Variants in MACROD2 observed in about 807,000 individuals in gnomAD.
MACROD2 encodes ADP-ribose glycohydrolase MACROD2.
A neutral mutation model predicts 70.4 loss-of-function variants in MACROD2; 36 were observed. The ratio of observed to expected loss-of-function variants is 0.51; its 90% CI spans 0.39 to 0.68. The LOEUF (loss-of-function observed/expected upper bound fraction) is 0.68. Ranked by LOEUF, MACROD2 falls within the 30% of genes least tolerant of loss-of-function variation. The pLI is 0.00. For synonymous variants in MACROD2, 172 were observed against 178.8 expected, an observed-to-expected ratio of 0.96 and a Z score of 0.30; for missense variants, 496 against 538.4, an observed-to-expected ratio of 0.92 and a Z score of 0.78.
intron 8 of MACROD2, among the ~76,000 whole-genome samples, chr20:15,682,724 ACT>A (rs1347718007): frequency 6.6e-6 from 1 of 152,124 alleles, no homozygotes; most frequent in Non-Finnish European, 1.5e-5. Flanking sequence ...CCTCCCTGCA[ACT>A]CTGTTTGTGT....
chr20:14,214,316 G>C (rs1429599437), intron 3 of MACROD2, among the ~76,000 whole-genome samples: 1 of 152,066 alleles, frequency 6.6e-6, no homozygotes, highest in African/African-American at 2.4e-5. Context: ...CAAAAACAGA[G>C]AGACCATGTA....
rs978517345 is a variant in MACROD2, at chr20:15,246,388, T to G, written c.540+16327T>G. Among the ~76,000 whole-genome samples, 4 of 152,220 alleles carry G rather than the reference T, an allele frequency of 2.6e-5. No individual in the cohort carries two copies. In the South Asian group the frequency reaches 8.3e-4, roughly 32 times the overall value. On this transcript the variant is annotated intron_variant, in intron 6 of 17. Coordinates refer to ENST00000684519, the MANE Select transcript of MACROD2 (RefSeq NM_001351661.2). ...AATCCATGCCTTTACAACACTCTGA[T>G]GTTGATGTGGTTTTATAATATCTTT... is the stretch of plus-strand genomic sequence containing the variant.
At chr20:15,358,911 T>C (rs1351602647) in intron 6 of MACROD2, among the ~76,000 whole-genome samples, 1 of 152,024 alleles carries the variant, frequency 6.6e-6, no homozygotes, top group Admixed American at 6.6e-5. Context: ...TCCAGTACTC[T>C]CCCACTGGGG....
At chr20:14,646,032 T>G (rs983494019) in intron 4 of MACROD2, among the ~76,000 whole-genome samples, 1 of 150,546 alleles carries the variant, frequency 6.6e-6, no homozygotes, top group African/African-American at 2.4e-5. Flanking sequence ...AACTTATATA[T>G]TAAATAAATA....
chr20:15,152,929 G>T (rs2076281768), intron 5 of MACROD2, among the ~76,000 whole-genome samples: 1 of 152,108 alleles, frequency 6.6e-6, no homozygotes, highest in Non-Finnish European at 1.5e-5. Flanking sequence ...GAAGTGTGGT[G>T]CCAAGATTGA....
intron 5 of MACROD2, chr20:14,893,425 C>T (rs1265109898): frequency 2.0e-5 from 3 of 152,206 alleles, no homozygotes; most frequent in East Asian, 3.9e-4. Flanking sequence ...TAACAATGTA[C>T]ATCTTCACTA....
chr20:15,335,645 A>G lies in MACROD2; in HGVS notation c.541-95760A>G, dbSNP rs549156371. ...AATAGTTTGCTAGTTTGCTCTAAAG[A>G]TATTTCTGGCTGTGATAATGATTAA... On this transcript the variant is annotated intron_variant, in intron 6 of 17. Transcript: ENST00000684519. 4.0e-5 allele frequency among the ~76,000 whole-genome samples: 6 copies of G among 151,864 alleles called. No individual in the cohort carries two copies. In the East Asian group the frequency reaches 9.6e-4, roughly 24 times the overall value.
intron 5 of MACROD2, among the ~76,000 whole-genome samples, chr20:14,991,929 C>A (rs2423906): frequency 0.021 from 3,247 of 152,128 alleles, 68 homozygotes; most frequent in Admixed American, 0.047. Context: ...CCATCCAACT[C>A]TCCATCCATC....
intron 3 of MACROD2, among the ~76,000 whole-genome samples, chr20:14,134,036 G>A (rs888443603): frequency 1.3e-5 from 2 of 152,214 alleles, no homozygotes; most frequent in Non-Finnish European, 2.9e-5. Flanking sequence ...GGTAGATTTG[G>A]ATGACAGTTT....
At chr20:14,946,605 T>A (rs538242646) in intron 5 of MACROD2, among the ~76,000 whole-genome samples, 1 of 152,248 alleles carries the variant, frequency 6.6e-6, no homozygotes, top group Non-Finnish European at 1.5e-5. Flanking sequence ...TATGTTGAGA[T>A]GTTTTGTATG....
chr20:14,733,697 C>T (rs929500106), intron 5 of MACROD2, among the ~76,000 whole-genome samples: 1 of 152,108 alleles, frequency 6.6e-6, no homozygotes, highest in Non-Finnish European at 1.5e-5. Flanking sequence ...AAACAATGAA[C>T]CTGCAGAAGC....
intron 4 of MACROD2, among the ~76,000 whole-genome samples, chr20:14,497,067 G>GA (rs2084861064): frequency 6.6e-6 from 1 of 151,642 alleles, no homozygotes; most frequent in Non-Finnish European, 1.5e-5. Context: ...CTGCTCTCCA[G>GA]GTTTGCTTTT....
At chr20:14,144,295 C>T (rs1180680506) in intron 3 of MACROD2, among the ~76,000 whole-genome samples, 1 of 152,108 alleles carries the variant, frequency 6.6e-6, no homozygotes, top group African/African-American at 2.4e-5. Flanking sequence ...CTAAATTTGT[C>T]AATCACCGCT....
intron 17 of MACROD2, among the ~76,000 whole-genome samples, chr20:16,046,790 C>T (rs2067388934): frequency 2.7e-5 from 4 of 147,526 alleles, no homozygotes; most frequent in South Asian, 4.3e-4. Flanking sequence ...AAGGGATTCT[C>T]ATGCCTCTGC....
chr20:14,301,273 A>G (rs189487195), intron 3 of MACROD2, among the ~76,000 whole-genome samples: 2 of 152,158 alleles, frequency 1.3e-5, no homozygotes, highest in African/African-American at 4.8e-5. Flanking sequence ...TTATATTTTT[A>G]AAAAAATGAA....
chr20:15,589,532 T>G (rs2048649855), intron 8 of MACROD2, among the ~76,000 whole-genome samples: 1 of 152,216 alleles, frequency 6.6e-6, no homozygotes, highest in Admixed American at 6.5e-5. Context: ...TGACATGTCA[T>G]TATCACCCAT....
At chr20:14,939,793 T>C (rs2122703536) in intron 5 of MACROD2, among the ~76,000 whole-genome samples, 1 of 152,234 alleles carries the variant, frequency 6.6e-6, no homozygotes. Flanking sequence ...CAGTGTTTTA[T>C]AGTTTTCTTT....
chr20:16,002,594 G>A (rs1008109853), intron 15 of MACROD2, among the ~76,000 whole-genome samples: 1 of 152,090 alleles, frequency 6.6e-6, no homozygotes, highest in African/African-American at 2.4e-5. Flanking sequence ...GGAAGGAGGC[G>A]ATGAAACAAG....
chr20:14,201,590 C>T (rs1327142507), intron 3 of MACROD2, among the ~76,000 whole-genome samples: 2 of 152,084 alleles, frequency 1.3e-5, no homozygotes, highest in East Asian at 3.9e-4. Flanking sequence ...GTCTGTAATA[C>T]CAGCACCTTG....
Sources: gnomAD v4.1 joint callset for allele counts (sites outside exome capture counted in the v4.1 genomes callset) on GRCh38, gnomAD v4.1.1 for gene constraint, MANE v1.5 for transcripts, NCBI Gene and HGNC (gene_info 2026-07-23, HGNC 2026-07-21) for gene names.